ANKFN1: variants seen among roughly 807,000 people sequenced by gnomAD.
ANKFN1 encodes ankyrin repeat and fibronectin type III domain containing 1.
ANKFN1 carries 74 observed loss-of-function variants against 108.7 expected under a neutral mutation model. The observed-to-expected ratio is 0.68, with a 90% CI of 0.56 to 0.83. The LOEUF (loss-of-function observed/expected upper bound fraction) is 0.83, where lower values mean the gene tolerates loss of function less well. Ranked by LOEUF, ANKFN1 falls within the 40% of genes least tolerant of loss-of-function variation. The pLI, the probability that ANKFN1 is intolerant of heterozygous loss-of-function variation, is 0.00. For synonymous variants in ANKFN1, 547 were observed against 516.2 expected, an observed-to-expected ratio of 1.06 and a Z score of -0.81; for missense variants, 1,505 against 1,382.3, an observed-to-expected ratio of 1.09 and a Z score of -1.41.
intron 3 of ANKFN1, among the ~76,000 whole-genome samples, chr17:56,271,359 A>G (rs951626773): frequency 6.6e-6 from 1 of 152,178 alleles, no homozygotes; most frequent in African/African-American, 2.4e-5. Flanking sequence ...GTCGGGGACC[A>G]TTCTTCCTTA....
chr17:56,393,317 C>G (rs2047491785), intron 8 of ANKFN1, among the ~76,000 whole-genome samples: 1 of 152,154 alleles, frequency 6.6e-6, no homozygotes, highest in Non-Finnish European at 1.5e-5. Flanking sequence ...CTTCTCTGCC[C>G]AATAAACCCT....
At position 56,215,083 on chromosome 17, in the gene ANKFN1, G is replaced by T. The variant is rs549629334; in HGVS notation, c.12+2404G>T. Among the ~76,000 whole-genome samples the T allele has an allele frequency of 2.0e-5, 3 of 152,256 alleles. No individual in the cohort carries two copies. In the East Asian group the frequency reaches 5.8e-4, roughly 29 times the overall value. ...TGCATGATGCTTATGTTCACTTATG[G>T]TTATCTATCATCCTCGTCTCCAAAC... On this transcript the variant is annotated intron_variant, in intron 2 of 20. Transcript: ENST00000682825.
chr17:56,440,329 G>T lies in ANKFN1; in HGVS notation c.913G>T (p.Glu305Ter). The T allele has an allele frequency of 6.2e-7, 1 of 1,607,298 alleles. No individual in the cohort carries two copies. The highest frequency in any genetic ancestry group is 1.1e-5 in the South Asian group (1 of 90,566). Residue 305 changes from glutamate to a stop codon, truncating the protein, a stop_gained and splice_region_variant, in exon 9 of 21, where the codon GAA (glutamate) becomes TAA (stop). Transcript: ENST00000682825. LOFTEE classifies it high-confidence loss of function. The stretch of plus-strand genomic sequence containing the variant: ...CCCTGCCCCCCTACTCCCTCCAGTG[G>T]AATGGAGTATGTCCGAAGACTTTTC... ...NAAVVTRYKV[E>*]WSMSEDFSPL...
chr17:56,220,831 G>A (rs1475304913), intron 2 of ANKFN1, among the ~76,000 whole-genome samples: 1 of 45,470 alleles, frequency 2.2e-5, no homozygotes, highest in African/African-American at 2.0e-4. Flanking sequence ...AGGAAGGAAG[G>A]GAGGAAGGGA....
intron 4 of ANKFN1, among the ~76,000 whole-genome samples, chr17:56,086,386 C>G (rs2143179213): frequency 6.6e-6 from 1 of 151,440 alleles, no homozygotes; most frequent in South Asian, 2.1e-4. Flanking sequence ...GCCTGGGCAA[C>G]AAGAGCAAAA....
At chr17:56,169,274 A>T (rs923379482) in intron 1 of ANKFN1, among the ~76,000 whole-genome samples, 1 of 151,980 alleles carries the variant, frequency 6.6e-6, no homozygotes. Flanking sequence ...AATTATTATC[A>T]TTATTATTTT....
intron 8 of ANKFN1, among the ~76,000 whole-genome samples, chr17:56,404,549 T>C (rs999721174): frequency 2.6e-5 from 4 of 152,202 alleles, no homozygotes; most frequent in Non-Finnish European, 4.4e-5. Context: ...CCTTGAATAT[T>C]TTTCCCTTCA....
intron 4 of ANKFN1, among the ~76,000 whole-genome samples, chr17:56,118,293 G>T (rs1906397132): frequency 6.6e-6 from 1 of 152,110 alleles, no homozygotes; most frequent in Non-Finnish European, 1.5e-5. Flanking sequence ...TTAACTCTTT[G>T]AGGAACTGTT....
At chr17:56,353,332 C>T (rs2046294181) in intron 5 of ANKFN1, among the ~76,000 whole-genome samples, 1 of 151,604 alleles carries the variant, frequency 6.6e-6, no homozygotes, top group Non-Finnish European at 1.5e-5. Flanking sequence ...GCCCCCTGGG[C>T]AGGAGGTGAT....
At chr17:56,337,282 T>C (rs2045837103) in intron 4 of ANKFN1, among the ~76,000 whole-genome samples, 1 of 152,160 alleles carries the variant, frequency 6.6e-6, no homozygotes, top group Admixed American at 6.6e-5. Flanking sequence ...CTTGTTAACC[T>C]TCTGTCTCGT....
At chr17:56,146,422 G>A (rs909920277) in intron 4 of ANKFN1, among the ~76,000 whole-genome samples, 1 of 152,186 alleles carries the variant, frequency 6.6e-6, no homozygotes, top group Non-Finnish European at 1.5e-5. Context: ...CTTCCATACT[G>A]CCCTGGTGGA....
intron 8 of ANKFN1, among the ~76,000 whole-genome samples, chr17:56,435,348 G>A (rs910583109): frequency 6.6e-6 from 1 of 152,158 alleles, no homozygotes; most frequent in African/African-American, 2.4e-5. Flanking sequence ...AGACTACAGA[G>A]GAGATGGATC....
chr17:56,128,834 G>T (rs776050228), intron 4 of ANKFN1, among the ~76,000 whole-genome samples: 12 of 152,178 alleles, frequency 7.9e-5, no homozygotes, highest in Non-Finnish European at 1.6e-4. Context: ...TCTTGGAACT[G>T]CTTAGAAGGG....
At chr17:56,103,955 CA>C (rs1905695373) in intron 4 of ANKFN1, among the ~76,000 whole-genome samples, 1 of 152,124 alleles carries the variant, frequency 6.6e-6, no homozygotes, top group Non-Finnish European at 1.5e-5. Flanking sequence ...ATATTCTTGG[CA>C]AAGGAAATAG....
chr17:56,189,436 C>G (rs1213390590), intron 1 of ANKFN1, among the ~76,000 whole-genome samples: 1 of 151,898 alleles, frequency 6.6e-6, no homozygotes, highest in African/African-American at 2.4e-5. Flanking sequence ...TCCCAAAGTG[C>G]TGGGATTACA....
At chr17:56,466,246 G>T in intron 14 of ANKFN1, 110 bp from the exon 15 acceptor site, 4 of 982,622 alleles carry the variant, frequency 4.1e-6, no homozygotes, top group South Asian at 1.6e-5. Flanking sequence ...AAAAAAGAGA[G>T]CAAACAGCTT....
intron 4 of ANKFN1, among the ~76,000 whole-genome samples, chr17:56,094,248 T>C (rs2143201586): frequency 6.6e-6 from 1 of 151,142 alleles, no homozygotes; most frequent in Non-Finnish European, 1.5e-5. Flanking sequence ...ATGCACTTTG[T>C]GGTATTTTTG....
At chr17:56,195,075 T>C (rs1913383785) in intron 1 of ANKFN1, among the ~76,000 whole-genome samples, 1 of 152,142 alleles carries the variant, frequency 6.6e-6, no homozygotes, top group Non-Finnish European at 1.5e-5. Flanking sequence ...TTAGCTCCCT[T>C]TTTTGCATTA....
At chr17:56,088,670 C>G (rs1371046434) in intron 4 of ANKFN1, among the ~76,000 whole-genome samples, 1 of 151,182 alleles carries the variant, frequency 6.6e-6, no homozygotes, top group Non-Finnish European at 1.5e-5. Context: ...TCCTCCTGTT[C>G]TCCTTTCTCC....
Sources: allele counts gnomAD v4.1 joint callset (sites outside exome capture counted in the v4.1 genomes callset), GRCh38; gene constraint gnomAD v4.1.1; transcripts MANE v1.5; gene names NCBI Gene and HGNC (gene_info 2026-07-23, HGNC 2026-07-21).